The following CNTN6 variants were observed in gnomAD, a reference collection of about 807,000 sequenced individuals.
The protein encoded by CNTN6 is contactin-6.
In CNTN6, 137 loss-of-function variants were observed where a neutral mutation model predicts 122.8. That is an observed-to-expected ratio of 1.12 (90% CI 0.97 to 1.29). CNTN6 has a LOEUF of 1.29. CNTN6 is among the 50% of genes most tolerant of loss of function. The pLI, the probability that CNTN6 is intolerant of heterozygous loss-of-function variation, is 0.00. For missense variants in CNTN6, 1,634 were observed against 1,223.4 expected (o/e 1.34, Z -5.01); for synonymous variants, 570 against 426.0 (o/e 1.34, Z -4.16).
chr3:1,366,182 C>T (rs1708189134), intron 12 of CNTN6, among the ~76,000 whole-genome samples: 1 of 152,138 alleles, frequency 6.6e-6, no homozygotes, highest in Non-Finnish European at 1.5e-5. Flanking sequence ...GATCAGACTT[C>T]CTACAAATGG....
At chr3:1,189,951 C>A (rs2093678082) in intron 2 of CNTN6, among the ~76,000 whole-genome samples, 1 of 152,204 alleles carries the variant, frequency 6.6e-6, no homozygotes, top group South Asian at 2.1e-4. Flanking sequence ...TTCTCAGACT[C>A]TGGTTGTATT....
At chr3:1,262,056 GATTA>G (rs1218367482) in intron 4 of CNTN6, among the ~76,000 whole-genome samples, 3 of 152,086 alleles carry the variant, frequency 2.0e-5, no homozygotes, top group South Asian at 2.1e-4. Flanking sequence ...TGATCTCCTG[GATTA>G]ATTATTATAC....
intron 4 of CNTN6, among the ~76,000 whole-genome samples, chr3:1,252,872 G>A (rs187418490): frequency 3.9e-4 from 60 of 152,174 alleles, no homozygotes; most frequent in African/African-American, 1.3e-3. Context: ...CTGTAAATCC[G>A]GTTGGATTTG....
At chr3:1,204,212 AACC>A (rs2093926359) in intron 2 of CNTN6, among the ~76,000 whole-genome samples, 1 of 152,210 alleles carries the variant, frequency 6.6e-6, no homozygotes, top group Non-Finnish European at 1.5e-5. Flanking sequence ...CTCAAAGAGG[AACC>A]AATGGGCCAC....
chr3:1,383,349 G>C lies in CNTN6; in HGVS notation c.2458G>C (p.Glu820Gln), dbSNP rs993802505. The C allele has an allele frequency of 1.9e-6, 3 of 1,613,912 alleles. No individual in the cohort carries two copies. Among genetic ancestry groups the C allele is most frequent in the Admixed American group, 3.3e-5 (2 of 60,002 alleles). The change falls in exon 19 of 23, where the codon GAG becomes CAG. Residue 820 changes from glutamate to glutamine, a missense_variant. Physicochemically the swap from Glu to Gln is conservative, Grantham distance 29 (BLOSUM62 2). Transcript: ENST00000446702. The part of the protein sequence containing the change: ...SLQSFSASEM[E>Q]VSWNAIAWNR... Reference sequence around the variant, plus strand: ...CCAGAGTTTTTCTGCTTCTGAAATGGAGGTTTCATGGAATGCTATTGCCTG... The same window carrying C: ...CCAGAGTTTTTCTGCTTCTGAAATGCAGGTTTCATGGAATGCTATTGCCTG...
chr3:1,192,666 G>T (rs979453607), intron 2 of CNTN6, among the ~76,000 whole-genome samples: 2 of 151,928 alleles, frequency 1.3e-5, no homozygotes, highest in African/African-American at 4.8e-5. Context: ...GGCCTCACAT[G>T]TGCACCCCAA....
intron 20 of CNTN6, among the ~76,000 whole-genome samples, chr3:1,386,652 A>G (rs1692999780): frequency 6.6e-6 from 1 of 152,162 alleles, no homozygotes; most frequent in African/African-American, 2.4e-5. Context: ...CTTATATATT[A>G]TTAATGAACA....
intron 2 of CNTN6, among the ~76,000 whole-genome samples, chr3:1,170,236 CAAAAA>C (rs10525769): frequency 7.4e-5 from 8 of 107,452 alleles, no homozygotes; most frequent in African/African-American, 1.4e-4. Context: ...GGCTCCATCT[CAAAAA>C]AAAAAAAAAA....
chr3:1,136,499 G>A (rs949696088), intron 1 of CNTN6, among the ~76,000 whole-genome samples: 2 of 152,148 alleles, frequency 1.3e-5, no homozygotes, highest in African/African-American at 2.4e-5. Flanking sequence ...GAGAGATACA[G>A]AAATCCTGCA....
chr3:1,187,567 T>C (rs1466714175), intron 2 of CNTN6, among the ~76,000 whole-genome samples: 1 of 152,170 alleles, frequency 6.6e-6, no homozygotes, highest in Admixed American at 6.5e-5. Flanking sequence ...TGTCTGGGTT[T>C]CATTTTTGGT....
intron 5 of CNTN6, among the ~76,000 whole-genome samples, chr3:1,278,773 A>G (rs1488799721): frequency 6.6e-6 from 1 of 152,210 alleles, no homozygotes; most frequent in Non-Finnish European, 1.5e-5. Context: ...TTTTTAGAGA[A>G]ACTGACCGCA....
intron 1 of CNTN6, chr3:1,128,255 A>C (rs1393135860): frequency 6.6e-6 from 1 of 151,982 alleles, no homozygotes; most frequent in African/African-American, 2.4e-5. Flanking sequence ...TGATTTTGGC[A>C]TCTTGTTGCA....
At chr3:1,392,453 C>G (rs1224053576) in intron 20 of CNTN6, among the ~76,000 whole-genome samples, 3 of 152,084 alleles carry the variant, frequency 2.0e-5, no homozygotes, top group Non-Finnish European at 2.9e-5. Flanking sequence ...CATAAAAACC[C>G]TAAAAGAAAA....
chr3:1,263,731 G>A (rs17036851), intron 4 of CNTN6, among the ~76,000 whole-genome samples: 3,766 of 151,826 alleles, frequency 0.025, 135 homozygotes, highest in African/African-American at 0.079. Flanking sequence ...CACTGAACTC[G>A]CGGGAAAACA....
intron 11 of CNTN6, among the ~76,000 whole-genome samples, chr3:1,330,291 C>T (rs1022924234): frequency 1.3e-5 from 2 of 151,896 alleles, no homozygotes; most frequent in Non-Finnish European, 2.9e-5. Flanking sequence ...CACTCATTGG[C>T]ACACACCTGG....
chr3:1,369,227 G>A (rs1342139885), intron 12 of CNTN6, among the ~76,000 whole-genome samples: 1 of 152,034 alleles, frequency 6.6e-6, no homozygotes, highest in Non-Finnish European at 1.5e-5. Flanking sequence ...ATCCCCTCAG[G>A]ATTTGCCAAA....
At chr3:1,330,394 G>A (rs886275091) in intron 11 of CNTN6, among the ~76,000 whole-genome samples, 3 of 151,854 alleles carry the variant, frequency 2.0e-5, no homozygotes, top group African/African-American at 4.8e-5. Context: ...TGTAGAGAAA[G>A]AAGAGAGGTT....
chr3:1,095,982 T>C (rs2090504091), intron 1 of CNTN6, among the ~76,000 whole-genome samples: 1 of 152,232 alleles, frequency 6.6e-6, no homozygotes, highest in Non-Finnish European at 1.5e-5. Context: ...CAGTAAGTAG[T>C]ACCTCTCCAC....
chr3:1,165,219 T>C (rs1000628325), intron 2 of CNTN6, among the ~76,000 whole-genome samples: 1 of 152,204 alleles, frequency 6.6e-6, no homozygotes, highest in Admixed American at 6.5e-5. Context: ...AAGATCTGGC[T>C]TTTTAATGAA....
Sources: allele counts gnomAD v4.1 joint callset (sites outside exome capture counted in the v4.1 genomes callset), GRCh38; gene constraint gnomAD v4.1.1; transcripts MANE v1.5; gene names NCBI Gene and HGNC (gene_info 2026-07-23, HGNC 2026-07-21).